CFAP57: variants seen among roughly 807,000 people sequenced by gnomAD.
The protein encoded by CFAP57 is cilia and flagella associated protein 57.
Under a neutral mutation model 146.8 loss-of-function variants are expected in CFAP57, and 116 were observed. The ratio of observed to expected loss-of-function variants is 0.79; its 90% confidence interval spans 0.68 to 0.92. The LOEUF is 0.92. Among genes scored for constraint, CFAP57 ranks in the 40% least tolerant of loss-of-function variants. The pLI, the probability that CFAP57 is intolerant of heterozygous loss-of-function variation, is 0.00. For synonymous variants in CFAP57, 518 were observed against 552.8 expected (o/e 0.94, Z 0.88); for missense variants, 1,377 against 1,527.2 (o/e 0.90, Z 1.64).
intron 6 of CFAP57, among the ~76,000 whole-genome samples, chr1:43,191,326 G>C (rs536487736): frequency 2.0e-5 from 3 of 152,120 alleles, no homozygotes; most frequent in Admixed American, 1.3e-4. Flanking sequence ...GGTGGCTCAC[G>C]CCTGCAATCC....
intron 13 of CFAP57, 89 bp from the exon 14 acceptor site, chr1:43,221,283 G>T (rs1645035048): frequency 1.0e-5 from 9 of 883,154 alleles, no homozygotes; most frequent in African/African-American, 1.7e-5. Context: ...GTTTGTGAGT[G>T]AAGGAGGGTG....
chr1:43,184,588 G>A (rs376484607), intron 4 of CFAP57, among the ~76,000 whole-genome samples: 106 of 152,130 alleles, frequency 7.0e-4, no homozygotes, highest in African/African-American at 2.4e-3. Flanking sequence ...AGATCATTCC[G>A]CTGATAAGTG....
chr1:43,172,841 A>T lies in CFAP57; in HGVS notation c.88A>T (p.Ile30Phe). 1 of 1,614,140 alleles carries T rather than the reference A, an allele frequency of 6.2e-7. No homozygotes were observed. Among genetic ancestry groups the T allele is most frequent in the Non-Finnish European group, 8.5e-7 (1 of 1,179,964 alleles). The change falls in exon 2 of 23, where the codon ATT becomes TTT. Residue 30 changes from isoleucine to phenylalanine, a missense_variant. Physicochemically the swap from Ile to Phe is conservative, Grantham distance 21. Coordinates refer to ENST00000372492, the MANE Select transcript of CFAP57 (RefSeq NM_001378189.1). ...NNIFYFDEQIIIFPSGNHCVK... is the reference protein window; with the variant it reads ...NNIFYFDEQIFIFPSGNHCVK... ...TATCTTCTACTTCGATGAACAGATCATTATATTTCCTTCAGGAAATCACTG... is the reference window on the plus strand; with the variant it reads ...TATCTTCTACTTCGATGAACAGATCTTTATATTTCCTTCAGGAAATCACTG...
chr1:43,192,360 G>A (rs1368092886), intron 6 of CFAP57, among the ~76,000 whole-genome samples: 8 of 151,900 alleles, frequency 5.3e-5, no homozygotes, highest in East Asian at 1.9e-4. Flanking sequence ...GGTGGCTCAC[G>A]CCTGTAATCC....
At chr1:43,242,713 G>A (rs982414783) in intron 21 of CFAP57, among the ~76,000 whole-genome samples, 1 of 152,206 alleles carries the variant, frequency 6.6e-6, no homozygotes, top group Non-Finnish European at 1.5e-5. Context: ...GAGCCAGACT[G>A]TTGGGGTTGG....
At chr1:43,223,883 G>A (rs1645144306) in intron 16 of CFAP57, among the ~76,000 whole-genome samples, 163 bp from the exon 17 acceptor site, 1 of 152,190 alleles carries the variant, frequency 6.6e-6, no homozygotes. Flanking sequence ...CGTCCCAAAT[G>A]CTCCAGATAT....
chr1:43,201,896 T>C lies in CFAP57; in HGVS notation c.1542+2393T>C, dbSNP rs1314067110. On this transcript the variant is annotated intron_variant, in intron 9 of 22. Coordinates refer to ENST00000372492, the MANE Select transcript of CFAP57 (RefSeq NM_001378189.1). The surrounding 1 kb of genome is among the most constrained non-coding windows in gnomAD (Gnocchi z 4.4). ...TCCCAAAGTCCTGGGATTACAGGCG[T>C]GAGCCACCGCGCCTGGCCCACGGAC... Among the ~76,000 whole-genome samples the C allele has an allele frequency of 6.6e-6, 1 of 152,198 alleles. No individual in the cohort carries two copies. Among genetic ancestry groups the C allele is most frequent in the East Asian group, 1.9e-4 (1 of 5,196 alleles).
chr1:43,196,514 G>A (rs754075199), intron 6 of CFAP57: 14 of 153,182 alleles, frequency 9.1e-5, no homozygotes, highest in East Asian at 3.8e-4. Context: ...AGATACTAGC[G>A]TAGGATAGAG....
intron 18 of CFAP57, 147 bp downstream of exon 18, chr1:43,227,273 G>C: frequency 9.7e-7 from 1 of 1,026,908 alleles, no homozygotes; most frequent in Non-Finnish European, 1.3e-6. Flanking sequence ...CCACAGGGGT[G>C]CAACAGGGAA....
chr1:43,191,507 A>G (rs942689994), intron 6 of CFAP57, among the ~76,000 whole-genome samples: 5 of 150,570 alleles, frequency 3.3e-5, no homozygotes, highest in African/African-American at 1.2e-4. Flanking sequence ...GAATGGCGTG[A>G]ACCCGGGAAG....
intron 4 of CFAP57, among the ~76,000 whole-genome samples, chr1:43,184,257 A>C (rs963176785): frequency 6.6e-6 from 1 of 152,220 alleles, no homozygotes; most frequent in African/African-American, 2.4e-5. Context: ...TCCTCAAGGA[A>C]CTTATAATTC....
At chr1:43,239,836 T>C (rs1446626014) in intron 21 of CFAP57, among the ~76,000 whole-genome samples, 1 of 152,188 alleles carries the variant, frequency 6.6e-6, no homozygotes, top group East Asian at 1.9e-4. Context: ...TTCTGGTCTC[T>C]TTCACCTGTC....
At chr1:43,217,151 T>C (rs1270341148) in intron 12 of CFAP57, among the ~76,000 whole-genome samples, 1 of 152,088 alleles carries the variant, frequency 6.6e-6, no homozygotes, top group African/African-American at 2.4e-5. Flanking sequence ...AAGCTGCTCC[T>C]AGTTAGGTTG....
At chr1:43,196,690 G>A (rs1643882124) in intron 6 of CFAP57, among the ~76,000 whole-genome samples, 1 of 152,186 alleles carries the variant, frequency 6.6e-6, no homozygotes. Flanking sequence ...TCTGATGACA[G>A]ACATCTGTAA....
At chr1:43,178,643 T>TG (rs1645262711) in intron 2 of CFAP57, among the ~76,000 whole-genome samples, 1 of 152,208 alleles carries the variant, frequency 6.6e-6, no homozygotes, top group Non-Finnish European at 1.5e-5. Context: ...CAACAGGTAC[T>TG]GGAGAGAATG....
chr1:43,186,657 A>G (rs1176966791), intron 5 of CFAP57, 50 bp from the exon 6 acceptor site: 1 of 1,552,070 alleles, frequency 6.4e-7, no homozygotes, highest in Admixed American at 1.7e-5. Flanking sequence ...GCCTAAGGCC[A>G]CAATGACAAC....
At chr1:43,207,878 C>G (rs1251916785) in intron 10 of CFAP57, among the ~76,000 whole-genome samples, 2 of 152,226 alleles carry the variant, frequency 1.3e-5, no homozygotes, top group Non-Finnish European at 2.9e-5. Context: ...TATGGTGACT[C>G]TCCTGTGTAC....
intron 9 of CFAP57, among the ~76,000 whole-genome samples, chr1:43,204,998 A>T (rs1644296545): frequency 6.6e-6 from 1 of 152,148 alleles, no homozygotes; most frequent in Admixed American, 6.5e-5. Context: ...TGTGCCAGTG[A>T]GACTCTGCCC....
chr1:43,212,010 A>G (rs895235850), intron 11 of CFAP57, among the ~76,000 whole-genome samples: 1 of 152,192 alleles, frequency 6.6e-6, no homozygotes, highest in Non-Finnish European at 1.5e-5. Flanking sequence ...TTCACAGTTA[A>G]TCCTTTTGTT....
Sources: allele counts gnomAD v4.1 joint callset (sites outside exome capture counted in the v4.1 genomes callset), GRCh38; gene constraint gnomAD v4.1.1; non-coding constraint Gnocchi (gnomAD v3.1); transcripts MANE v1.5; gene names NCBI Gene and HGNC (gene_info 2026-07-23, HGNC 2026-07-21).